Variants in CALCR observed in about 807,000 individuals in gnomAD.
CALCR encodes the protein calcitonin receptor.
A neutral mutation model predicts 59.5 loss-of-function variants in CALCR; 47 were observed. The ratio of observed to expected loss-of-function variants is 0.79; its 90% CI spans 0.63 to 1.01. CALCR has a LOEUF of 1.01. Among genes scored for constraint, CALCR ranks in the 50% least tolerant of loss-of-function variants. The probability of loss-of-function intolerance (pLI) is 0.00; values close to 1 mark genes in which losing one functional copy is unlikely to be tolerated. For synonymous variants in CALCR, 213 were observed against 211.3 expected (o/e 1.01, Z -0.07); for missense variants, 566 against 597.1 (o/e 0.95, Z 0.54).
intron 2 of CALCR, among the ~76,000 whole-genome samples, chr7:93,553,326 G>T (rs899819460): frequency 1.3e-5 from 2 of 152,096 alleles, no homozygotes; most frequent in Admixed American, 1.3e-4. Context: ...GGGAAGAGCT[G>T]GGAGATCCTG....
At chr7:93,512,627 C>G (rs998180109) in intron 2 of CALCR, among the ~76,000 whole-genome samples, 3 of 152,046 alleles carry the variant, frequency 2.0e-5, no homozygotes, top group Non-Finnish European at 4.4e-5. Context: ...GCTGAGTATC[C>G]TAAAATATTT....
At chr7:93,556,184 G>A (rs1045975591) in intron 2 of CALCR, among the ~76,000 whole-genome samples, 7 of 152,120 alleles carry the variant, frequency 4.6e-5, no homozygotes, top group Admixed American at 2.0e-4. Context: ...TAGGGATGGA[G>A]GATGAAAACA....
chr7:93,563,152 A>G (rs1019998125), intron 2 of CALCR, among the ~76,000 whole-genome samples: 1 of 152,196 alleles, frequency 6.6e-6, no homozygotes, highest in African/African-American at 2.4e-5. Flanking sequence ...TAGTCATCAT[A>G]TAGGGAAATG....
At chr7:93,546,856 C>A (rs1789303154) in intron 2 of CALCR, among the ~76,000 whole-genome samples, 1 of 152,076 alleles carries the variant, frequency 6.6e-6, no homozygotes, top group South Asian at 2.1e-4. Context: ...CCACCACACC[C>A]TGCACGACTT....
chr7:93,524,326 C>T (rs915060606), intron 2 of CALCR, among the ~76,000 whole-genome samples: 4 of 151,764 alleles, frequency 2.6e-5, no homozygotes, highest in African/African-American at 4.8e-5. Context: ...CCTGCCACCA[C>T]GCCCGGCTAA....
At chr7:93,522,672 C>T in intron 2 of CALCR, among the ~76,000 whole-genome samples, 1 of 152,116 alleles carries the variant, frequency 6.6e-6, no homozygotes, top group East Asian at 1.9e-4. Context: ...GTAGTCTTTG[C>T]AAGATCACAA....
At chr7:93,519,941 C>G (rs1801726429) in intron 2 of CALCR, among the ~76,000 whole-genome samples, 1 of 152,134 alleles carries the variant, frequency 6.6e-6, no homozygotes. Context: ...AATTAAACCT[C>G]TTTCCTCTAT....
intron 6 of CALCR, among the ~76,000 whole-genome samples, chr7:93,469,284 G>T (rs1800504555): frequency 6.6e-6 from 1 of 151,082 alleles, no homozygotes; most frequent in Non-Finnish European, 1.5e-5. Context: ...GTATTTAGTT[G>T]GTTGAAGCCG....
chr7:93,530,310 A>G (rs2116129494), intron 2 of CALCR, among the ~76,000 whole-genome samples: 1 of 152,252 alleles, frequency 6.6e-6, no homozygotes, highest in Non-Finnish European at 1.5e-5. Flanking sequence ...TTTCCCAACT[A>G]CCATTAATAG....
chr7:93,511,278 C>T (rs938718692), intron 2 of CALCR, among the ~76,000 whole-genome samples: 19 of 152,042 alleles, frequency 1.2e-4, no homozygotes, highest in Admixed American at 2.0e-4. Context: ...AGAATTCACA[C>T]GTACTGCTAA....
intron 9 of CALCR, among the ~76,000 whole-genome samples, 174 bp downstream of exon 9, chr7:93,443,430 T>TA (rs1287319987): frequency 2.6e-5 from 4 of 152,068 alleles, no homozygotes; most frequent in African/African-American, 9.7e-5. Context: ...TTGAGATTGT[T>TA]AAAGGGCTTC....
At chr7:93,543,159 T>A (rs12704682) in intron 2 of CALCR, among the ~76,000 whole-genome samples, 1 of 152,080 alleles carries the variant, frequency 6.6e-6, no homozygotes, top group East Asian at 1.9e-4. Context: ...ATAGTTATAG[T>A]TGTATATAGG....
intron 7 of CALCR, 72 bp downstream of exon 7, chr7:93,468,643 C>G (rs542408977): frequency 8.4e-6 from 9 of 1,070,046 alleles, no homozygotes; most frequent in Non-Finnish European, 1.3e-5. Context: ...CACCTCCACT[C>G]TTGCAGAATT....
intron 2 of CALCR, among the ~76,000 whole-genome samples, chr7:93,571,872 G>T (rs886137872): frequency 3.9e-5 from 6 of 152,116 alleles, no homozygotes; most frequent in African/African-American, 1.4e-4. Flanking sequence ...TTGGCACCGG[G>T]TATATGGTAG....
intron 13 of CALCR, among the ~76,000 whole-genome samples, chr7:93,430,677 T>C (rs1372049148): frequency 3.9e-5 from 6 of 152,324 alleles, no homozygotes; most frequent in African/African-American, 1.4e-4. Flanking sequence ...TCTAGAATAG[T>C]GGTTCTTAAA....
chr7:93,433,138 C>T (rs559404177), intron 13 of CALCR, among the ~76,000 whole-genome samples: 7 of 152,190 alleles, frequency 4.6e-5, no homozygotes, highest in Non-Finnish European at 8.8e-5. Context: ...CGGTTGGAAA[C>T]GGGTATGAAC....
At position 93,550,640 on chromosome 7, in the gene CALCR, C is replaced by T. The variant is rs5014936; in HGVS notation, c.-27+23649G>A. ...ACACACACACACACACACACACACA[C>T]GAGAGACAGAGTTTTGTAACAATTG... is the stretch of plus-strand genomic sequence containing the variant. On this transcript the variant is annotated intron_variant, in intron 2 of 13. Coordinates refer to ENST00000426151, the MANE Select transcript of CALCR (RefSeq NM_001742.4). 1.6e-3 allele frequency among the ~76,000 whole-genome samples: 232 copies of T among 146,860 alleles called. 1 individual carries two copies. The highest frequency in any genetic ancestry group is 2.9e-3 in the Admixed American group (42 of 14,396).
chr7:93,501,685 A>G (rs10488548), intron 2 of CALCR, among the ~76,000 whole-genome samples: 19,242 of 152,050 alleles, frequency 0.13, 2,648 homozygotes, highest in African/African-American at 0.33. Flanking sequence ...CTCTGGTGGT[A>G]GTACGCATTC....
chr7:93,526,177 T>TG (rs1299705785), intron 2 of CALCR, among the ~76,000 whole-genome samples: 4 of 152,160 alleles, frequency 2.6e-5, no homozygotes, highest in African/African-American at 9.7e-5. Flanking sequence ...CTTTGTGAAC[T>TG]GGATCGTTTT....
Sources: allele counts gnomAD v4.1 joint callset (sites outside exome capture counted in the v4.1 genomes callset), GRCh38; gene constraint gnomAD v4.1.1; transcripts MANE v1.5; gene names NCBI Gene and HGNC (gene_info 2026-07-23, HGNC 2026-07-21).